The following DLG2 variants were observed in gnomAD, a reference collection of about 807,000 sequenced individuals.
The protein encoded by DLG2 is disks large homolog 2.
Under a neutral mutation model 132.5 loss-of-function variants are expected in DLG2, and 45 were observed. The observed-to-expected ratio is 0.34, with a 90% confidence interval of 0.27 to 0.44. The LOEUF is 0.44. DLG2 is among the 20% of genes least tolerant of loss of function. The pLI is 1.00. For synonymous variants in DLG2, 424 were observed against 419.6 expected, an observed-to-expected ratio of 1.01 and a Z score of -0.13; for missense variants, 1,045 against 1,196.9, an observed-to-expected ratio of 0.87 and a Z score of 1.87.
intron 7 of DLG2, among the ~76,000 whole-genome samples, chr11:84,520,570 C>A (rs747733302): frequency 3.9e-5 from 6 of 152,194 alleles, no homozygotes; most frequent in Non-Finnish European, 8.8e-5. Flanking sequence ...TGTGTGCTGA[C>A]ATTCCCCTCT....
At chr11:84,217,352 G>C (rs921377215) in intron 8 of DLG2, among the ~76,000 whole-genome samples, 25 of 152,264 alleles carry the variant, frequency 1.6e-4, no homozygotes, top group African/African-American at 5.5e-4. Flanking sequence ...TCTCGTGATA[G>C]TGAATAAGTC....
intron 7 of DLG2, among the ~76,000 whole-genome samples, chr11:84,375,256 T>C (rs987638089): frequency 3.9e-5 from 6 of 152,198 alleles, no homozygotes; most frequent in African/African-American, 1.2e-4. Context: ...AATCTTTGTT[T>C]AATTAGTGCT....
chr11:84,554,737 ACT>A (rs2099408617), intron 6 of DLG2, among the ~76,000 whole-genome samples: 1 of 152,070 alleles, frequency 6.6e-6, no homozygotes, highest in Non-Finnish European at 1.5e-5. Flanking sequence ...CGAGAGTGAA[ACT>A]CTGTCTCAAT....
intron 2 of DLG2, among the ~76,000 whole-genome samples, chr11:85,620,455 G>A (rs2081619253): frequency 6.6e-6 from 1 of 152,210 alleles, no homozygotes; most frequent in Non-Finnish European, 1.5e-5. Flanking sequence ...ATTAAGCTTA[G>A]TGAGGAAGTT....
At position 83,725,831 on chromosome 11, in the gene DLG2, T is replaced by C. The variant is rs149998788; in HGVS notation, c.1825+60859A>G. Among the ~76,000 whole-genome samples, 1,450 of 152,304 alleles carry C rather than the reference T, an allele frequency of 9.5e-3. 21 individuals carry two copies. Among genetic ancestry groups the C allele is most frequent in the Non-Finnish European group, 0.013 (909 of 68,034 alleles). On this transcript the variant is annotated intron_variant, in intron 18 of 27. Coordinates refer to ENST00000376104, the MANE Select transcript of DLG2 (RefSeq NM_001142699.3). ...CATGTTTTAATGGTTGGTCATTTGATTAAGCGGAGCTCAGACATTTTCACT... is the reference window on the plus strand; with the variant it reads ...CATGTTTTAATGGTTGGTCATTTGACTAAGCGGAGCTCAGACATTTTCACT...
chr11:84,935,347 A>G (rs1053978051), intron 6 of DLG2, among the ~76,000 whole-genome samples: 2 of 152,162 alleles, frequency 1.3e-5, no homozygotes, highest in Non-Finnish European at 2.9e-5. Flanking sequence ...TGTTCCTCAC[A>G]AGTTTGCTAG....
At chr11:84,584,674 CTTTTTTTTTTTTTTTT>C (rs71036428) in intron 6 of DLG2, among the ~76,000 whole-genome samples, 4 of 55,854 alleles carry the variant, frequency 7.2e-5, no homozygotes, top group Middle Eastern at 0.016. Context: ...CCCAGCATTC[CTTTTTTTTTTTTTTTT>C]TTTTTTTTTT....
intron 9 of DLG2, among the ~76,000 whole-genome samples, chr11:84,120,863 T>C (rs1221115205): frequency 6.6e-6 from 1 of 152,228 alleles, no homozygotes; most frequent in Admixed American, 6.5e-5. Flanking sequence ...ATGTATGTAT[T>C]CTTTCGAATA....
chr11:84,205,561 A>G (rs1198890004), intron 8 of DLG2, among the ~76,000 whole-genome samples: 1 of 152,076 alleles, frequency 6.6e-6, no homozygotes, highest in African/African-American at 2.4e-5. Flanking sequence ...AAATTAAAAA[A>G]AAAAACAAAA....
intron 3 of DLG2, among the ~76,000 whole-genome samples, chr11:85,384,734 A>G (rs1261410579): frequency 6.6e-6 from 1 of 152,000 alleles, no homozygotes; most frequent in Non-Finnish European, 1.5e-5. Flanking sequence ...TGCTGGGCTA[A>G]GTTTTGTATT....
At chr11:85,534,351 T>C (rs2075429078) in intron 3 of DLG2, among the ~76,000 whole-genome samples, 1 of 152,326 alleles carries the variant, frequency 6.6e-6, no homozygotes, top group Non-Finnish European at 1.5e-5. Context: ...ATATAATTTT[T>C]TTTAATTTTA....
intron 6 of DLG2, among the ~76,000 whole-genome samples, chr11:84,670,302 A>G (rs2099704356): frequency 6.6e-6 from 1 of 152,050 alleles, no homozygotes; most frequent in East Asian, 1.9e-4. Context: ...TCTCTCCTTC[A>G]AATTTGTTTT....
chr11:84,666,004 T>C (rs1169026247), intron 6 of DLG2, among the ~76,000 whole-genome samples: 1 of 152,128 alleles, frequency 6.6e-6, no homozygotes, highest in African/African-American at 2.4e-5. Context: ...TGTAGAACAA[T>C]TTCTCTAGCA....
chr11:85,222,810 C>T (rs757379423), intron 4 of DLG2, among the ~76,000 whole-genome samples: 13 of 151,970 alleles, frequency 8.6e-5, no homozygotes, highest in Non-Finnish European at 1.5e-4. Flanking sequence ...TTTTTTTTCC[C>T]GGCTAGTCCT....
At chr11:83,666,393 C>T (rs2075580790) in intron 18 of DLG2, among the ~76,000 whole-genome samples, 1 of 152,158 alleles carries the variant, frequency 6.6e-6, no homozygotes, top group South Asian at 2.1e-4. Flanking sequence ...GCTCCACCTC[C>T]TGTCAGATCT....
At chr11:84,923,249 C>A in intron 6 of DLG2, 1 of 1,517,008 alleles carries the variant, frequency 6.6e-7, no homozygotes, top group South Asian at 1.3e-5. Flanking sequence ...GCATTGATCT[C>A]TGTTTTCTCT....
chr11:85,578,911 A>G (rs1033375168), intron 3 of DLG2, among the ~76,000 whole-genome samples: 2 of 152,222 alleles, frequency 1.3e-5, no homozygotes, highest in Non-Finnish European at 2.9e-5. Context: ...AAATAGTTCT[A>G]TTATAAAGAC....
intron 17 of DLG2, among the ~76,000 whole-genome samples, chr11:83,789,731 A>G (rs2041018561): frequency 6.6e-6 from 1 of 152,154 alleles, no homozygotes; most frequent in African/African-American, 2.4e-5. Flanking sequence ...TATTTTTAGC[A>G]GAGATGGGGT....
At chr11:84,446,445 T>C (rs76053706) in intron 7 of DLG2, among the ~76,000 whole-genome samples, 4,936 of 152,258 alleles carry the variant, frequency 0.032, 163 homozygotes, top group South Asian at 0.19. Context: ...AGAAAGATTA[T>C]AGTTTCTGTG....
Sources: allele counts gnomAD v4.1 joint callset (sites outside exome capture counted in the v4.1 genomes callset), GRCh38; gene constraint gnomAD v4.1.1; transcripts MANE v1.5; gene names NCBI Gene and HGNC (gene_info 2026-07-23, HGNC 2026-07-21).